SSX7: variants seen among roughly 807,000 people sequenced by gnomAD.
SSX7 encodes SSX family member 7.
Under a neutral mutation model 14.7 loss-of-function variants are expected in SSX7, and 15 were observed. The observed-to-expected ratio is 1.02, with a 90% CI of 0.68 to 1.58. The LOEUF (loss-of-function observed/expected upper bound fraction) is 1.58, where lower values mean the gene tolerates loss of function less well. Ranked by LOEUF, SSX7 falls within the 40% of genes most tolerant of loss-of-function variation. The pLI is 0.00. For synonymous variants in SSX7, 46 were observed against 50.6 expected, an observed-to-expected ratio of 0.91 and a Z score of 0.38; for missense variants, 178 against 146.8, an observed-to-expected ratio of 1.21 and a Z score of -1.10.
At chrX:52,647,917 A>T (rs1556766521) in intron 6 of SSX7, among the ~76,000 whole-genome samples, 1 of 112,152 alleles carries the variant, frequency 8.9e-6, no homozygotes. Flanking sequence ...AGGTTATCAA[A>T]GATAGAATCG....
At chrX:52,647,177 G>A (rs192367122) in intron 6 of SSX7, among the ~76,000 whole-genome samples, 1 of 112,100 alleles carries the variant, frequency 8.9e-6, no homozygotes, top group Admixed American at 9.6e-5. Flanking sequence ...AGAAGCTGCA[G>A]GAGAAATGTG....
intron 5 of SSX7, among the ~76,000 whole-genome samples, chrX:52,649,241 G>A (rs1556766718): frequency 1.8e-5 from 2 of 111,060 alleles, no homozygotes; most frequent in East Asian, 2.8e-4. Context: ...ATGTTGGGCA[G>A]GATGGTCTTG....
intron 4 of SSX7, among the ~76,000 whole-genome samples, chrX:52,651,554 T>C (rs1925429856): frequency 9.0e-6 from 1 of 111,482 alleles, no homozygotes; most frequent in Non-Finnish European, 1.9e-5. Context: ...TATGCTAGGT[T>C]TGATTTATTT....
intron 7 of SSX7, among the ~76,000 whole-genome samples, chrX:52,645,215 A>G (rs1184878704): frequency 2.7e-5 from 3 of 109,239 alleles, no homozygotes; most frequent in Non-Finnish European, 5.7e-5. Context: ...AGCTTGCAGT[A>G]AGCGGAGATC....
chrX:52,647,977 C>G (rs1390597869), intron 6 of SSX7, among the ~76,000 whole-genome samples: 2 of 111,971 alleles, frequency 1.8e-5, no homozygotes, highest in African/African-American at 6.5e-5. Flanking sequence ...TTTAATGTCT[C>G]CAAACAATTT....
At chrX:52,649,905 A>C (rs782664284) in intron 5 of SSX7, among the ~76,000 whole-genome samples, 1 of 112,339 alleles carries the variant, frequency 8.9e-6, no homozygotes, top group Non-Finnish European at 1.9e-5. Context: ...TAACATATCT[A>C]TACCCCAATA....
chrX:52,653,042 C>T lies in SSX7; in HGVS notation c.70-58G>A, dbSNP rs782197319. 4.5e-5 allele frequency: 53 copies of T among 1,183,370 alleles called. No homozygotes were observed. In the East Asian group the frequency reaches 1.6e-3, roughly 37 times the overall value. ...GACTCAGCTAGACATGTCTGCCATTCAGCTGGAGCCCCTTCCTGTGTGCTG... is the reference window on the plus strand; with the variant it reads ...GACTCAGCTAGACATGTCTGCCATTTAGCTGGAGCCCCTTCCTGTGTGCTG... On this transcript the variant is annotated intron_variant, in intron 2 of 7. Coordinates refer to ENST00000298181, the MANE Select transcript of SSX7 (RefSeq NM_173358.2).
In SSX7 at chrX:52,648,479, A is replaced by T. The variant is rs1372886929; in HGVS notation, c.331-83T>A. 2.6e-6 allele frequency: 3 copies of T among 1,148,270 alleles called. No individual in the cohort carries two copies. The Admixed American group carries it at 7.1e-5, about 27-fold the overall frequency. The allele number at this position is 1,148,270 out of a possible 1,213,427, so 94.6% of individuals were successfully genotyped here. On this transcript the variant is annotated intron_variant, in intron 5 of 7. Transcript: ENST00000298181. The stretch of plus-strand genomic sequence containing the variant: ...GAGCTTACAAAGCGTCTTCACATGC[A>T]TTACCTTAATCAATGTTCTCAACAA...
Position 52,654,555 on chromosome X carries a change from T to C in SSX7, c.-21+207A>G, listed in dbSNP as rs1181720913. 3.8e-5 allele frequency among the ~76,000 whole-genome samples: 4 copies of C among 106,535 alleles called. No individual in the cohort carries two copies. In the East Asian group the frequency reaches 9.0e-4, roughly 24 times the overall value. 92.5% of individuals were successfully genotyped at this position (106,535 alleles called of 115,157 possible). On this transcript the variant is annotated intron_variant, in intron 1 of 7. Coordinates refer to ENST00000298181, the MANE Select transcript of SSX7 (RefSeq NM_173358.2). ...GCCCAAATTTGTTAAGTTACTAGAG[T>C]TCCCAGGAAAAATCCCATACCTGAA... is the stretch of plus-strand genomic sequence containing the variant.
At chrX:52,653,583 C>T (rs1925511133) in intron 1 of SSX7, 91 bp from the exon 2 acceptor site, 1 of 1,059,186 alleles carries the variant, frequency 9.4e-7, no homozygotes, top group African/African-American at 1.9e-5. Flanking sequence ...CCTCAGTCAC[C>T]TGGAATCAGG....
intron 6 of SSX7, among the ~76,000 whole-genome samples, chrX:52,645,904 TG>T (rs1204338631): frequency 3.3e-4 from 37 of 111,245 alleles, no homozygotes; most frequent in Middle Eastern, 4.6e-3. Flanking sequence ...GATGCTGCAA[TG>T]TTTTTTTTTG....
At position 52,654,450 on chromosome X, in the gene SSX7, C is replaced by T. The variant is rs781815826; in HGVS notation, c.-21+312G>A. ...TGGTGTGATCATGGCTCACTGCAAC[C>T]TCCGCCTCCTGGGTTCAAGTGATCC... On this transcript the variant is annotated intron_variant, in intron 1 of 7. Transcript: ENST00000298181. 3.2e-4 allele frequency among the ~76,000 whole-genome samples: 31 copies of T among 97,086 alleles called. No individual in the cohort carries two copies. In the Admixed American group the frequency reaches 3.6e-3, roughly 11 times the overall value. 84.3% of individuals were successfully genotyped at this position (97,086 alleles called of 115,157 possible).
At chrX:52,651,670 G>T (rs1925434751) in intron 4 of SSX7, among the ~76,000 whole-genome samples, 1 of 111,125 alleles carries the variant, frequency 9.0e-6, no homozygotes, top group African/African-American at 3.3e-5. Context: ...AGGTCAGGAA[G>T]TTTGAGACCA....
At chrX:52,644,694 AG>A (rs1265667065) in intron 7 of SSX7, 24 bp from the exon 8 acceptor site, 18 of 1,190,998 alleles carry the variant, frequency 1.5e-5, no homozygotes, top group Non-Finnish European at 1.9e-5. Context: ...AGAGAAGGAA[AG>A]TAAGTGGCAG....
At chrX:52,653,332 C>A in intron 2 of SSX7, 72 bp downstream of exon 2, 2 of 1,209,761 alleles carry the variant, frequency 1.7e-6, no homozygotes, top group Middle Eastern at 2.3e-4. Flanking sequence ...TCTCTGTCCT[C>A]CCCTCCTCAG....
intron 4 of SSX7, among the ~76,000 whole-genome samples, chrX:52,651,942 C>T (rs1402975118): frequency 2.7e-5 from 3 of 111,365 alleles, no homozygotes; most frequent in Non-Finnish European, 3.8e-5. Context: ...CAGCACTCAG[C>T]AATCCCTGCC....
intron 7 of SSX7, 113 bp from the exon 8 acceptor site, chrX:52,644,783 C>T (rs1179488077): frequency 1.7e-5 from 14 of 840,077 alleles, no homozygotes; most frequent in Admixed American, 1.6e-4. Flanking sequence ...CTGCCCTACC[C>T]CAGGACCTGC....
Position 52,644,528 on chromosome X carries a change from A to G in SSX7, c.*147T>C, listed in dbSNP as rs1302963615. 8.1e-6 allele frequency: 8 copies of G among 993,114 alleles called. No individual in the cohort carries two copies. In the Admixed American group the frequency reaches 1.4e-4, roughly 18 times the overall value. The allele number at this position is 993,114 out of a possible 1,213,427, so 81.8% of individuals were successfully genotyped here. A position where few individuals can be genotyped will look rare whatever the true frequency, so the allele number is the denominator to read the frequency against. ...ATCGAACTCTTGTCACACTAAGAAAAACGACGCTCAACTTTTCACTGTTGT... is the reference window on the plus strand; with the variant it reads ...ATCGAACTCTTGTCACACTAAGAAAGACGACGCTCAACTTTTCACTGTTGT... On this transcript the variant is annotated 3_prime_UTR_variant, in exon 8 of 8. Coordinates refer to ENST00000298181, the MANE Select transcript of SSX7 (RefSeq NM_173358.2).
Position 52,652,360 on chromosome X carries a change from A to G in SSX7, c.185-13T>C. 8.7e-7 allele frequency: 1 copy of G among 1,144,168 alleles called. No homozygotes were observed. Among genetic ancestry groups the G allele is most frequent in the Non-Finnish European group, 1.2e-6 (1 of 835,231 alleles). The allele number at this position is 1,144,168 out of a possible 1,213,427, so 94.3% of individuals were successfully genotyped here. A position where few individuals can be genotyped will look rare whatever the true frequency, so the allele number is the denominator to read the frequency against. ...GTGGCCTTGAAGCCTAGAAAGAAGC[A>G]AAATGTTTATTCCTTAAGAGACAAG... On this transcript the variant is annotated splice_polypyrimidine_tract_variant and intron_variant, in intron 3 of 7. Transcript: ENST00000298181.
Sources: allele counts gnomAD v4.1 joint callset (sites outside exome capture counted in the v4.1 genomes callset), GRCh38; gene constraint gnomAD v4.1.1; transcripts MANE v1.5; gene names NCBI Gene and HGNC (gene_info 2026-07-23, HGNC 2026-07-21).